CAMK2D: variants seen among roughly 807,000 people sequenced by gnomAD.
The protein encoded by CAMK2D is calcium/calmodulin-dependent protein kinase type II subunit delta.
Under a neutral mutation model 84.0 loss-of-function variants are expected in CAMK2D, and 37 were observed. That is an observed-to-expected ratio of 0.44 (90% CI 0.34 to 0.58). CAMK2D has a LOEUF of 0.58. Ranked by LOEUF, CAMK2D falls within the 20% of genes least tolerant of loss-of-function variation. CAMK2D has a pLI of 0.02. For synonymous variants in CAMK2D, 202 were observed against 212.5 expected (o/e 0.95, Z 0.43); for missense variants, 448 against 652.5 (o/e 0.69, Z 3.41).
intron 4 of CAMK2D, among the ~76,000 whole-genome samples, chr4:113,560,487 T>C (rs1314037517): frequency 1.3e-5 from 2 of 152,198 alleles, no homozygotes; most frequent in East Asian, 1.9e-4. Context: ...CATAGGTCTA[T>C]TTTTAAAGCC....
At chr4:113,517,959 T>C (rs1232356067) in intron 8 of CAMK2D, among the ~76,000 whole-genome samples, 3 of 152,290 alleles carry the variant, frequency 2.0e-5, no homozygotes, top group Admixed American at 2.0e-4. Flanking sequence ...TGAACTCTTG[T>C]CTATAGAGGG....
intron 6 of CAMK2D, among the ~76,000 whole-genome samples, chr4:113,541,872 C>T (rs559117178): frequency 3.3e-5 from 5 of 152,022 alleles, no homozygotes; most frequent in Admixed American, 6.6e-5. Flanking sequence ...AATTGAAAAG[C>T]TTGAATGTCA....
intron 3 of CAMK2D, among the ~76,000 whole-genome samples, chr4:113,652,032 G>A (rs1592520490): frequency 1.3e-5 from 2 of 152,046 alleles, no homozygotes; most frequent in South Asian, 4.2e-4. Flanking sequence ...TTTAATCAAT[G>A]TTTATAAAAT....
chr4:113,636,673 G>A (rs1023069034), intron 3 of CAMK2D, among the ~76,000 whole-genome samples: 1 of 152,112 alleles, frequency 6.6e-6, no homozygotes, highest in African/African-American at 2.4e-5. Flanking sequence ...TTGTCACTGT[G>A]AACTCAAATA....
intron 2 of CAMK2D, among the ~76,000 whole-genome samples, chr4:113,744,181 A>G (rs2099599273): frequency 6.6e-6 from 1 of 152,118 alleles, no homozygotes; most frequent in Non-Finnish European, 1.5e-5. Flanking sequence ...TGTTATCGCC[A>G]TTTGTTCCTT....
chr4:113,586,983 C>G (rs1013176033), intron 4 of CAMK2D, among the ~76,000 whole-genome samples: 4 of 152,142 alleles, frequency 2.6e-5, no homozygotes, highest in Non-Finnish European at 4.4e-5. Flanking sequence ...ACAAACCATT[C>G]AAAACTAAAT....
At chr4:113,706,917 A>T (rs1032722182) in intron 2 of CAMK2D, among the ~76,000 whole-genome samples, 2 of 152,116 alleles carry the variant, frequency 1.3e-5, no homozygotes, top group African/African-American at 4.8e-5. Context: ...AAAATCTTTT[A>T]AAAAGTTTTT....
chr4:113,626,798 C>T (rs1390505323), intron 3 of CAMK2D, among the ~76,000 whole-genome samples: 2 of 152,088 alleles, frequency 1.3e-5, no homozygotes, highest in African/African-American at 2.4e-5. Flanking sequence ...AACAACATTT[C>T]TCGTAATGAT....
chr4:113,488,807 G>C (rs919248278), intron 16 of CAMK2D, among the ~76,000 whole-genome samples: 1 of 152,142 alleles, frequency 6.6e-6, no homozygotes, highest in Non-Finnish European at 1.5e-5. Flanking sequence ...GTTAAAATGA[G>C]AAGTTACATG....
chr4:113,600,735 T>C (rs2098948359), intron 4 of CAMK2D, among the ~76,000 whole-genome samples: 1 of 152,130 alleles, frequency 6.6e-6, no homozygotes, highest in African/African-American at 2.4e-5. Context: ...CGGGCTCAAG[T>C]GATCCTCTCA....
chr4:113,497,283 G>A (rs924511969), intron 16 of CAMK2D, among the ~76,000 whole-genome samples: 6 of 152,046 alleles, frequency 3.9e-5, no homozygotes, highest in African/African-American at 1.4e-4. Flanking sequence ...TCTTGAACAT[G>A]GCTAGTTCAA....
chr4:113,712,278 A>C (rs2099495735), intron 2 of CAMK2D, among the ~76,000 whole-genome samples: 1 of 152,152 alleles, frequency 6.6e-6, no homozygotes, highest in Admixed American at 6.6e-5. Context: ...AAATGTGTCC[A>C]AGAATGACCC....
intron 1 of CAMK2D, 127 bp from the exon 2 acceptor site, chr4:113,759,541 G>A: frequency 2.2e-6 from 1 of 457,864 alleles, no homozygotes; most frequent in Non-Finnish European, 3.8e-6. Flanking sequence ...TCCAGTAAAT[G>A]AACAATTCTT....
At chr4:113,653,809 T>G (rs942579342) in intron 3 of CAMK2D, among the ~76,000 whole-genome samples, 1 of 152,046 alleles carries the variant, frequency 6.6e-6, no homozygotes, top group Non-Finnish European at 1.5e-5. Flanking sequence ...AAGCTTAACC[T>G]GTACAATGTG....
At chr4:113,711,614 A>G (rs2099492853) in intron 2 of CAMK2D, among the ~76,000 whole-genome samples, 1 of 152,188 alleles carries the variant, frequency 6.6e-6, no homozygotes, top group Admixed American at 6.6e-5. Context: ...AAAGAGTAAT[A>G]TCAACATGGA....
chr4:113,476,706 A>G (rs2097628507), intron 16 of CAMK2D, among the ~76,000 whole-genome samples: 1 of 152,224 alleles, frequency 6.6e-6, no homozygotes, highest in Admixed American at 6.5e-5. Context: ...ATCAGGAGTC[A>G]TGTACCTGGA....
chr4:113,486,108 G>A (rs182771264), intron 16 of CAMK2D, among the ~76,000 whole-genome samples: 10 of 151,540 alleles, frequency 6.6e-5, no homozygotes, highest in Admixed American at 6.6e-4. Context: ...ACAAAAAAGA[G>A]ATTAAGTAGT....
In CAMK2D at chr4:113,761,505, G is replaced by A. The variant is rs369521176; in HGVS notation, c.-437C>T. The A allele has an allele frequency of 3.8e-6, 4 of 1,040,118 alleles. No homozygotes were observed. Among genetic ancestry groups the A allele is most frequent in the East Asian group, 9.0e-5 (1 of 11,058 alleles). 64.4% of individuals were successfully genotyped at this position (1,040,118 alleles called of 1,614,324 possible). On this transcript the variant is annotated 5_prime_UTR_variant, in exon 1 of 21. Coordinates refer to ENST00000511664, the MANE Select transcript of CAMK2D (RefSeq NM_001321571.2). ...AGCAGAGGGGAGGGAGTCCGAGGGG[G>A]CGGAGGTGGAGTGCAGCGGGGCCGA...
intron 2 of CAMK2D, among the ~76,000 whole-genome samples, chr4:113,699,772 TTA>T (rs1350107274): frequency 4.6e-5 from 7 of 152,214 alleles, no homozygotes; most frequent in Non-Finnish European, 1.0e-4. Context: ...TCTGCATTCA[TTA>T]TGATATAAAC....
Sources: gnomAD v4.1 joint callset for allele counts (sites outside exome capture counted in the v4.1 genomes callset) on GRCh38, gnomAD v4.1.1 for gene constraint, MANE v1.5 for transcripts, NCBI Gene and HGNC (gene_info 2026-07-23, HGNC 2026-07-21) for gene names.